The following EPHA3 variants were observed in gnomAD, a reference collection of about 807,000 sequenced individuals.
EPHA3 encodes the protein EPH receptor A3.
In EPHA3, 42 loss-of-function variants were observed where a neutral mutation model predicts 107.1. The observed-to-expected ratio is 0.39, with a 90% confidence interval of 0.31 to 0.51. The LOEUF is 0.51. Ranked by LOEUF, EPHA3 falls within the 20% of genes least tolerant of loss-of-function variation. The pLI, the probability that EPHA3 is intolerant of heterozygous loss-of-function variation, is 0.78. For missense variants in EPHA3, 1,183 were observed against 1,211.2 expected, an observed-to-expected ratio of 0.98 and a Z score of 0.35; for synonymous variants, 461 against 424.8, an observed-to-expected ratio of 1.09 and a Z score of -1.05.
intron 3 of EPHA3, among the ~76,000 whole-genome samples, chr3:89,262,324 A>ATATAATTAATATATTTTAAAT (rs1705435474): frequency 1.3e-5 from 2 of 152,228 alleles, no homozygotes; most frequent in African/African-American, 2.4e-5. Context: ...GGAGGCTAGA[A>ATATAATTAATATATTTTAAAT]GTCTGGAATC....
intron 3 of EPHA3, among the ~76,000 whole-genome samples, chr3:89,289,207 C>A (rs1168539282): frequency 2.0e-5 from 3 of 152,072 alleles, no homozygotes; most frequent in Admixed American, 6.6e-5. Context: ...ACGTACAGGA[C>A]TTAACTTTTC....
intron 7 of EPHA3, among the ~76,000 whole-genome samples, chr3:89,405,898 A>G (rs1709047506): frequency 6.6e-6 from 1 of 152,130 alleles, no homozygotes. Flanking sequence ...TTAAACATGA[A>G]ACAGATTCTA....
At chr3:89,390,032 C>A (rs1050743860) in intron 5 of EPHA3, among the ~76,000 whole-genome samples, 1 of 152,070 alleles carries the variant, frequency 6.6e-6, no homozygotes, top group Non-Finnish European at 1.5e-5. Context: ...CACTCTGTCG[C>A]CCTGACTGAA....
rs553667356 is a variant in EPHA3 at position 89,418,756 on chromosome 3, C to G, written c.1889-449C>G. ...ATGCTTTCCTTCTCATTTTTAGAGT[C>G]TGAATATATAGCCATATTGGCCCTC... On this transcript the variant is annotated intron_variant, in intron 10 of 16. Transcript: ENST00000336596. 5.3e-5 allele frequency among the ~76,000 whole-genome samples: 8 copies of G among 151,440 alleles called. No individual in the cohort carries two copies. The East Asian group carries it at 1.6e-3, about 30-fold the overall frequency.
chr3:89,315,998 A>G (rs1292494794), intron 3 of EPHA3, among the ~76,000 whole-genome samples: 1 of 151,924 alleles, frequency 6.6e-6, no homozygotes, highest in Non-Finnish European at 1.5e-5. Context: ...TGAATCATAA[A>G]AAGGTCCACT....
At chr3:89,148,020 T>C (rs1460088893) in intron 2 of EPHA3, among the ~76,000 whole-genome samples, 1 of 151,732 alleles carries the variant, frequency 6.6e-6, no homozygotes, top group African/African-American at 2.4e-5. Flanking sequence ...GGCATTTGGG[T>C]GTAATGATGT....
At chr3:89,266,066 C>A (rs1705532093) in intron 3 of EPHA3, among the ~76,000 whole-genome samples, 1 of 152,148 alleles carries the variant, frequency 6.6e-6, no homozygotes, top group African/African-American at 2.4e-5. Context: ...GCTCTGAGCT[C>A]TGTCTTCTGG....
At chr3:89,187,254 TA>T (rs1705588909) in intron 2 of EPHA3, among the ~76,000 whole-genome samples, 1 of 149,764 alleles carries the variant, frequency 6.7e-6, no homozygotes, top group South Asian at 2.1e-4. Context: ...TATTAATAAG[TA>T]ATTAATATTT....
chr3:89,195,752 C>A (rs1705823654), intron 2 of EPHA3, among the ~76,000 whole-genome samples: 1 of 152,104 alleles, frequency 6.6e-6, no homozygotes, highest in Admixed American at 6.6e-5. Context: ...CCTTAGATAA[C>A]CACAGTAACT....
At chr3:89,360,688 C>G (rs1278809833) in intron 5 of EPHA3, among the ~76,000 whole-genome samples, 1 of 150,962 alleles carries the variant, frequency 6.6e-6, no homozygotes, top group Non-Finnish European at 1.5e-5. Flanking sequence ...TTTTTTCACC[C>G]TTGCCTTGAG....
intron 2 of EPHA3, among the ~76,000 whole-genome samples, chr3:89,134,188 C>T (rs1359778560): frequency 6.6e-6 from 1 of 151,192 alleles, no homozygotes; most frequent in African/African-American, 2.4e-5. Context: ...TATGATCACT[C>T]TCAGCTGGTC....
intron 5 of EPHA3, among the ~76,000 whole-genome samples, chr3:89,356,208 C>G (rs1707951346): frequency 6.6e-6 from 1 of 150,662 alleles, no homozygotes; most frequent in African/African-American, 2.4e-5. Flanking sequence ...GTATATGTGC[C>G]ACATTTTCTT....
At chr3:89,402,122 G>T (rs1290658229) in intron 7 of EPHA3, among the ~76,000 whole-genome samples, 1 of 152,084 alleles carries the variant, frequency 6.6e-6, no homozygotes, top group African/African-American at 2.4e-5. Context: ...AAGTAAATTT[G>T]CAAAAACAAT....
At chr3:89,258,893 A>C (rs1280984088) in intron 3 of EPHA3, among the ~76,000 whole-genome samples, 1 of 152,170 alleles carries the variant, frequency 6.6e-6, no homozygotes, top group African/African-American at 2.4e-5. Context: ...TGGTATCTCC[A>C]TAAACCTGTA....
chr3:89,336,657 C>T (rs1480992532), intron 3 of EPHA3, among the ~76,000 whole-genome samples: 1 of 152,140 alleles, frequency 6.6e-6, no homozygotes, highest in East Asian at 1.9e-4. Context: ...CCAAATACAG[C>T]ATGTCACTGT....
intron 9 of EPHA3, among the ~76,000 whole-genome samples, chr3:89,408,737 G>C (rs1424467417): frequency 6.6e-6 from 1 of 151,686 alleles, no homozygotes; most frequent in African/African-American, 2.4e-5. Flanking sequence ...TCTTTTTCTG[G>C]TGAAACGAAT....
intron 11 of EPHA3, among the ~76,000 whole-genome samples, chr3:89,419,690 G>A (rs906093301): frequency 1.3e-5 from 2 of 151,310 alleles, no homozygotes; most frequent in Admixed American, 6.6e-5. Flanking sequence ...GGGAATTCTC[G>A]GCTATGTAAG....
chr3:89,284,653 G>C (rs1319493927), intron 3 of EPHA3, among the ~76,000 whole-genome samples: 1 of 151,928 alleles, frequency 6.6e-6, no homozygotes, highest in Non-Finnish European at 1.5e-5. Flanking sequence ...GCCTCCATCA[G>C]ACCCCTTCAA....
intron 3 of EPHA3, among the ~76,000 whole-genome samples, chr3:89,277,631 T>C (rs1424586332): frequency 6.6e-6 from 1 of 152,156 alleles, no homozygotes; most frequent in African/African-American, 2.4e-5. Flanking sequence ...TATAGGTTTA[T>C]AATTCAAACT....
Sources: gnomAD v4.1 joint callset for allele counts (sites outside exome capture counted in the v4.1 genomes callset) on GRCh38, gnomAD v4.1.1 for gene constraint, MANE v1.5 for transcripts, NCBI Gene and HGNC (gene_info 2026-07-23, HGNC 2026-07-21) for gene names.